Variants in ALMS1 observed in about 807,000 individuals in gnomAD.
The protein encoded by ALMS1 is centrosome-associated protein ALMS1.
In ALMS1, 271 loss-of-function variants were observed where a neutral mutation model predicts 352.2. The ratio of observed to expected loss-of-function variants is 0.77; its 90% confidence interval spans 0.70 to 0.85. The LOEUF is 0.85. ALMS1 is among the 40% of genes least tolerant of loss of function. The pLI, the probability that ALMS1 is intolerant of heterozygous loss-of-function variation, is 0.00. For synonymous variants in ALMS1, 1,865 were observed against 1,761.2 expected (o/e 1.06, Z -1.48); for missense variants, 5,445 against 4,870.7 (o/e 1.12, Z -3.51).
intron 11 of ALMS1, among the ~76,000 whole-genome samples, chr2:73,533,366 A>G (rs1178376157): frequency 6.6e-6 from 1 of 152,178 alleles, no homozygotes; most frequent in East Asian, 1.9e-4. Flanking sequence ...AATTACAGGT[A>G]AGTAGTCTAG....
At chr2:73,481,044 G>A (rs1256466608) in intron 9 of ALMS1, among the ~76,000 whole-genome samples, 1 of 151,386 alleles carries the variant, frequency 6.6e-6, no homozygotes, top group Non-Finnish European at 1.5e-5. Context: ...CACTCTGATG[G>A]TAGTTTCTTT....
chr2:73,453,056 C>A lies in ALMS1; in HGVS notation c.6529C>A (p.Gln2177Lys). The A allele has an allele frequency of 6.2e-7, 1 of 1,613,844 alleles. No homozygotes were observed. The highest frequency in any genetic ancestry group is 8.5e-7 in the Non-Finnish European group (1 of 1,179,974). ...KISSALGQAD[Q>K]ITGLQTVPSG... The stretch of plus-strand genomic sequence containing the variant: ...CTCAAGTGCTCTTGGGCAAGCTGAT[C>A]AAATTACCGGATTACAAACAGTTCC... Residue 2177 changes from glutamine to lysine, a missense_variant, in exon 8 of 23, where the codon CAA becomes AAA. By Grantham distance (53) the Gln-to-Lys change is moderately conservative. Transcript: ENST00000613296.
chr2:73,461,135 G>C (rs1464091003), intron 9 of ALMS1, among the ~76,000 whole-genome samples: 1 of 152,222 alleles, frequency 6.6e-6, no homozygotes, highest in East Asian at 1.9e-4. Flanking sequence ...TGGGCAGACT[G>C]CCTCCTCAAG....
rs2103714961 is a variant in ALMS1, at chr2:73,424,585, G to A, written c.920G>A (p.Gly307Glu). ...CCGCTTATAGGCAGCACAGCTGTTG[G>A]GTCTCAGTGCCCTTTTTTACCTTCT... ...QHPLIGSTAV[G>E]SQCPFLPSEQ... Residue 307 changes from glycine (G) to glutamate (E), a missense_variant, in exon 5 of 23, where the codon GGG becomes GAG. Transcript: ENST00000613296. 1 of 1,613,934 alleles carries A rather than the reference G, an allele frequency of 6.2e-7. No individual in the cohort carries two copies. Among genetic ancestry groups the A allele is most frequent in the Non-Finnish European group, 8.5e-7 (1 of 1,179,996 alleles).
At chr2:73,603,552 C>T in intron 21 of ALMS1, 1 of 471,962 alleles carries the variant, frequency 2.1e-6, no homozygotes, top group Non-Finnish European at 3.9e-6. Context: ...TTATTAGAAA[C>T]CTAAATGTAA....
intron 7 of ALMS1, among the ~76,000 whole-genome samples, chr2:73,435,427 A>T (rs1329072999): frequency 2.0e-5 from 3 of 151,500 alleles, no homozygotes; most frequent in Non-Finnish European, 4.4e-5. Context: ...ATTCTTAGTG[A>T]TTACTCTGGG....
chr2:73,487,369 C>T (rs1343832323), intron 9 of ALMS1, among the ~76,000 whole-genome samples: 1 of 152,118 alleles, frequency 6.6e-6, no homozygotes, highest in African/African-American at 2.4e-5. Flanking sequence ...GGTGCTGGCG[C>T]CACGCAAGGC....
rs112946932 is a variant in ALMS1 at position 73,477,058 on chromosome 2, C to G, written c.7675-12576C>G. Among the ~76,000 whole-genome samples, 530 of 152,180 alleles carry G rather than the reference C, an allele frequency of 3.5e-3. 3 individuals carry two copies. The highest frequency in any genetic ancestry group is 0.011 in the African/African-American group (438 of 41,550). The stretch of plus-strand genomic sequence containing the variant: ...ATTTGCAAATATTTTCTCCCATTTT[C>G]TAGGTTACCTTTTCACTCTGTTGAT... On this transcript the variant is annotated intron_variant, in intron 9 of 22. Transcript: ENST00000613296.
At chr2:73,560,613 C>T (rs181344763) in intron 15 of ALMS1, among the ~76,000 whole-genome samples, 109 of 152,210 alleles carry the variant, frequency 7.2e-4, no homozygotes, top group Middle Eastern at 3.4e-3. Context: ...TTTATTGCAG[C>T]GTTATTTATA....
At chr2:73,469,326 A>C (rs1672421034) in intron 9 of ALMS1, among the ~76,000 whole-genome samples, 1 of 151,982 alleles carries the variant, frequency 6.6e-6, no homozygotes, top group Admixed American at 6.6e-5. Context: ...AGAATTGAGC[A>C]TTAAAATCTA....
At chr2:73,553,668 TACTA>T (rs1292486366) in intron 13 of ALMS1, among the ~76,000 whole-genome samples, 8 of 152,200 alleles carry the variant, frequency 5.3e-5, no homozygotes, top group African/African-American at 1.9e-4. Context: ...CATATGTAAA[TACTA>T]AATATAAACT....
chr2:73,489,415 A>G (rs1672924720), intron 9 of ALMS1, among the ~76,000 whole-genome samples: 2 of 152,194 alleles, frequency 1.3e-5, no homozygotes, highest in Non-Finnish European at 1.5e-5. Flanking sequence ...ATTTTTTAGA[A>G]GAACTCTCTG....
Position 73,449,883 on chromosome 2 carries a change from AG to A in ALMS1, c.3358del (p.Ala1120LeufsTer2). ...TTGCCAGAGAGTCATCTGCCTAAAGAGGCTCTGAAAATTTCAGTAGCTCCTG... is the reference window on the plus strand; with the variant it reads ...TTGCCAGAGAGTCATCTGCCTAAAGAGCTCTGAAAATTTCAGTAGCTCCTG... Reference protein sequence around the residue: ...QTLPESHLPKEALKISVAPGL... With the variant: ...QTLPESHLPKXALKISVAPGL... On this transcript the variant is annotated frameshift_variant, in exon 8 of 23. Transcript: ENST00000613296. LOFTEE classifies it high-confidence loss of function. The A allele has an allele frequency of 6.2e-7, 1 of 1,613,994 alleles. No homozygotes were observed. The highest frequency in any genetic ancestry group is 8.5e-7 in the Non-Finnish European group (1 of 1,179,960).
intron 16 of ALMS1, among the ~76,000 whole-genome samples, chr2:73,586,876 A>G (rs184683739): frequency 3.7e-4 from 57 of 152,370 alleles, no homozygotes; most frequent in African/African-American, 1.3e-3. Context: ...CTAGCCATCC[A>G]TGAGCATGGG....
rs957187321 is a variant in ALMS1, at chr2:73,563,552, C to T, written c.10384+4410C>T. Among the ~76,000 whole-genome samples the T allele has an allele frequency of 3.8e-4, 58 of 151,670 alleles. 1 individual carries two copies. Among genetic ancestry groups the T allele is most frequent in the Non-Finnish European group, 8.8e-5 (6 of 67,926 alleles). On this transcript the variant is annotated intron_variant, in intron 15 of 22. Coordinates refer to ENST00000613296, the MANE Select transcript of ALMS1 (RefSeq NM_001378454.1). Reference sequence around the variant, plus strand: ...TCTGGCTAACATGGTGGAACCCCGTCTCTACTAAAAATACAAAAAAATTAG... The same window carrying T: ...TCTGGCTAACATGGTGGAACCCCGTTTCTACTAAAAATACAAAAAAATTAG...
chr2:73,501,800 A>G (rs1238901276), intron 10 of ALMS1, among the ~76,000 whole-genome samples: 1 of 152,108 alleles, frequency 6.6e-6, no homozygotes, highest in African/African-American at 2.4e-5. Flanking sequence ...CAAATTTTAG[A>G]ATAAGCATAC....
intron 20 of ALMS1, 133 bp from the exon 21 acceptor site, chr2:73,603,108 T>C: frequency 1.3e-6 from 1 of 798,578 alleles, no homozygotes; most frequent in South Asian, 1.4e-5. Context: ...CTTGCCTTGG[T>C]CATTGCTCCC....
rs1324422612 is a variant in ALMS1 at position 73,601,428 on chromosome 2, A to G, written c.12106A>G (p.Thr4036Ala). The change falls in exon 19 of 23, where the codon ACC becomes GCC. Residue 4036 changes from threonine to alanine, a missense_variant. Coordinates refer to ENST00000613296, the MANE Select transcript of ALMS1 (RefSeq NM_001378454.1). ...CCTACTGAGGCCATTTGTGAGAGCA[A>G]CCCTTCAGGTGCAGTGACGTTGACT... ...RDLLRPFVRA[T>A]LQESLQFHRP... 2.5e-6 allele frequency: 4 copies of G among 1,613,894 alleles called. No homozygotes were observed. Among genetic ancestry groups the G allele is most frequent in the Admixed American group, 1.7e-5 (1 of 59,998 alleles).
intron 10 of ALMS1, among the ~76,000 whole-genome samples, chr2:73,507,830 G>GT (rs1326079558): frequency 2.0e-5 from 3 of 152,044 alleles, no homozygotes; most frequent in Admixed American, 2.0e-4. Flanking sequence ...TTTTGAATTT[G>GT]TTTGCCCTCG....
Sources: allele counts gnomAD v4.1 joint callset (sites outside exome capture counted in the v4.1 genomes callset), GRCh38; gene constraint gnomAD v4.1.1; transcripts MANE v1.5; gene names NCBI Gene and HGNC (gene_info 2026-07-23, HGNC 2026-07-21).